Variants in TACC2 observed in about 807,000 individuals in gnomAD.
TACC2 encodes the protein transforming acidic coiled-coil-containing protein 2.
TACC2 carries 137 observed loss-of-function variants against 227.3 expected under a neutral mutation model. The observed-to-expected ratio is 0.60, with a 90% confidence interval of 0.52 to 0.69. The LOEUF (loss-of-function observed/expected upper bound fraction) is 0.69. Among genes scored for constraint, TACC2 ranks in the 30% least tolerant of loss-of-function variants. The pLI is 0.00. For missense variants in TACC2, 3,470 were observed against 3,694.4 expected, an observed-to-expected ratio of 0.94 and a Z score of 1.57; for synonymous variants, 1,523 against 1,487.5, an observed-to-expected ratio of 1.02 and a Z score of -0.55.
At chr10:122,006,593 T>C (rs2135223219) in intron 1 of TACC2, among the ~76,000 whole-genome samples, 1 of 152,284 alleles carries the variant, frequency 6.6e-6, no homozygotes, top group South Asian at 2.1e-4. Flanking sequence ...GGACATGTCT[T>C]GGGATTGATT....
At position 122,085,005 on chromosome 10, in the gene TACC2, A is replaced by G. The variant is rs778926377; in HGVS notation, c.2505A>G (p.Ala835=). 1.2e-6 allele frequency: 2 copies of G among 1,614,030 alleles called. No individual in the cohort carries two copies. Among genetic ancestry groups the G allele is most frequent in the African/African-American group, 2.7e-5 (2 of 74,932 alleles). Residue 835 remains alanine, a synonymous_variant, in exon 4 of 23, where the codon GCA becomes GCG. Transcript: ENST00000369005. ...SSEKHLQPSQ[A]QPETSIFDVL... ...AGAAGCATCTCCAGCCATCCCAGGC[A>G]CAACCAGAGACATCCATCTTTGACG...
chr10:122,222,970 A>G (rs187909212), intron 11 of TACC2, among the ~76,000 whole-genome samples: 115 of 152,148 alleles, frequency 7.6e-4, no homozygotes, highest in African/African-American at 2.6e-3. Flanking sequence ...TTATACTTGG[A>G]AAGTGATAGA....
intron 3 of TACC2, among the ~76,000 whole-genome samples, chr10:122,067,023 C>T (rs1183979371): frequency 6.6e-6 from 1 of 152,134 alleles, no homozygotes; most frequent in Non-Finnish European, 1.5e-5. Context: ...GCTACACATC[C>T]CATAATACAT....
chr10:122,003,654 CTT>C (rs112354709), intron 1 of TACC2, among the ~76,000 whole-genome samples: 10 of 145,902 alleles, frequency 6.9e-5, no homozygotes, highest in African/African-American at 2.5e-4. Flanking sequence ...ACTAAACCAC[CTT>C]TTTTTTTTTT....
At chr10:122,182,708 G>A (rs897263235) in intron 7 of TACC2, among the ~76,000 whole-genome samples, 1 of 152,206 alleles carries the variant, frequency 6.6e-6, no homozygotes, top group Non-Finnish European at 1.5e-5. Context: ...TGGAATAAGC[G>A]GGATTCTCAT....
intron 1 of TACC2, among the ~76,000 whole-genome samples, chr10:122,006,658 G>A (rs938932426): frequency 6.6e-5 from 10 of 151,834 alleles, no homozygotes; most frequent in African/African-American, 2.4e-4. Context: ...CGTAGATTCA[G>A]GTATTTTCCT....
intron 6 of TACC2, among the ~76,000 whole-genome samples, chr10:122,134,547 A>T (rs2089154309): frequency 6.6e-6 from 1 of 152,216 alleles, no homozygotes; most frequent in Non-Finnish European, 1.5e-5. Flanking sequence ...CTGCGAACGA[A>T]GGCCCCCAAC....
chr10:122,154,423 C>T (rs148460742), intron 7 of TACC2, among the ~76,000 whole-genome samples: 7 of 152,300 alleles, frequency 4.6e-5, no homozygotes, highest in African/African-American at 1.2e-4. Context: ...TTTAAAGATA[C>T]GCAGAAAAAT....
At chr10:122,061,640 G>A (rs1056092928) in intron 3 of TACC2, among the ~76,000 whole-genome samples, 4 of 152,200 alleles carry the variant, frequency 2.6e-5, no homozygotes, top group East Asian at 1.9e-4. Context: ...TTAGGGGGTC[G>A]GTGTCTTAGT....
chr10:122,123,015 G>A (rs11200415), intron 5 of TACC2, among the ~76,000 whole-genome samples: 99,920 of 151,722 alleles, frequency 0.66, 37,013 homozygotes, highest in South Asian at 0.83. Flanking sequence ...TGGTTTTGGA[G>A]ATCATTTTTT....
chr10:122,081,361 T>TAC (rs2079467642), intron 3 of TACC2, among the ~76,000 whole-genome samples: 1 of 26,788 alleles, frequency 3.7e-5, no homozygotes, highest in African/African-American at 1.1e-4. Flanking sequence ...CTACTAAAAC[T>TAC]ACAAAAAAAA....
At chr10:122,074,368 C>T (rs1409488583) in intron 3 of TACC2, among the ~76,000 whole-genome samples, 1 of 152,182 alleles carries the variant, frequency 6.6e-6, no homozygotes, top group East Asian at 1.9e-4. Flanking sequence ...GTATGACCCA[C>T]TGTGCCCAGC....
At position 122,180,211 on chromosome 10, in the gene TACC2, C is replaced by T. The variant is rs181948820; in HGVS notation, c.5835-14829C>T. ...TGGGTCTCCTGGCAAACTTTCTCCT[C>T]GTTGCCTGCTTTGTTTTCTTAAATG... On this transcript the variant is annotated intron_variant, in intron 7 of 22. Coordinates refer to ENST00000369005, the MANE Select transcript of TACC2 (RefSeq NM_206862.4). This position sits in a 1 kb window ranked among gnomAD's most constrained non-coding sequence, Gnocchi z 4.5. Among the ~76,000 whole-genome samples the T allele has an allele frequency of 7.2e-5, 11 of 152,320 alleles. No individual in the cohort carries two copies. The highest frequency in any genetic ancestry group is 1.9e-4 in the East Asian group (1 of 5,186).
Position 122,083,225 on chromosome 10 carries a change from G to C in TACC2, c.725G>C (p.Gly242Ala), listed in dbSNP as rs961816829. Reference protein sequence around the residue: ...GGFPPAESRQGVASVQVTPEA... With the variant: ...GGFPPAESRQAVASVQVTPEA... ...TTTCCCCCTGCAGAGTCCAGGCAGG[G>C]GGTGGCTTCTGTGCAAGTGACCCCT... Residue 242 changes from glycine (G) to alanine (A), a missense_variant, in exon 4 of 23, where the codon GGG becomes GCG. Physicochemically the swap from Gly to Ala is moderately conservative, Grantham distance 60 (BLOSUM62 0). Transcript: ENST00000369005. 3.7e-6 allele frequency: 6 copies of C among 1,613,338 alleles called. No individual in the cohort carries two copies. Among genetic ancestry groups the C allele is most frequent in the Non-Finnish European group, 4.2e-6 (5 of 1,179,986 alleles).
chr10:122,070,200 C>T (rs1258138186), intron 3 of TACC2, among the ~76,000 whole-genome samples: 1 of 152,150 alleles, frequency 6.6e-6, no homozygotes, highest in Non-Finnish European at 1.5e-5. Context: ...AGAGAATGCC[C>T]CAAATTCTCT....
intron 1 of TACC2, among the ~76,000 whole-genome samples, chr10:121,993,231 T>A (rs1341708147): frequency 6.6e-6 from 1 of 152,232 alleles, no homozygotes; most frequent in Non-Finnish European, 1.5e-5. Flanking sequence ...AAACTCAGTC[T>A]TCTTAAGGAA....
Position 122,085,779 on chromosome 10 carries a change from G to T in TACC2, c.3279G>T (p.Val1093=). The change falls in exon 4 of 23, where the codon GTG becomes GTT. Residue 1093 remains valine (V), a synonymous_variant. Coordinates refer to ENST00000369005, the MANE Select transcript of TACC2 (RefSeq NM_206862.4). The stretch of plus-strand genomic sequence containing the variant: ...CCCAGGAAGGCAGGCAGCAACCAGT[G>T]CCGGCCCCGCAGCAGAAAATGGAGT... ...DETQEGRQQP[V]PAPQQKMECW... is the part of the protein sequence containing the mutation. 1 of 1,613,760 alleles carries T rather than the reference G, an allele frequency of 6.2e-7. No individual in the cohort carries two copies.
chr10:122,081,527 CA>C (rs374512156), intron 3 of TACC2, among the ~76,000 whole-genome samples: 66 of 109,526 alleles, frequency 6.0e-4, no homozygotes, highest in African/African-American at 1.2e-3. Flanking sequence ...GACTCCGTCT[CA>C]AAAAAAAAAA....
At position 122,192,290 on chromosome 10, in the gene TACC2, C is replaced by T. The variant is rs188698344; in HGVS notation, c.5835-2750C>T. On this transcript the variant is annotated intron_variant, in intron 7 of 22. Coordinates refer to ENST00000369005, the MANE Select transcript of TACC2 (RefSeq NM_206862.4). ...TTCCACACAGGGCGATCGTGAACGG[C>T]GGTCCCTCTGAGCAGGTGCACAGGC... Among the ~76,000 whole-genome samples, 12 of 152,332 alleles carry T rather than the reference C, an allele frequency of 7.9e-5. No individual in the cohort carries two copies. The East Asian group carries it at 1.9e-3, about 25-fold the overall frequency.
Sources: allele counts gnomAD v4.1 joint callset (sites outside exome capture counted in the v4.1 genomes callset), GRCh38; gene constraint gnomAD v4.1.1; non-coding constraint Gnocchi (gnomAD v3.1); transcripts MANE v1.5; gene names NCBI Gene and HGNC (gene_info 2026-07-23, HGNC 2026-07-21).